Variants in NCOA3 observed in about 807,000 individuals in gnomAD.
The protein encoded by NCOA3 is CBP-interacting protein.
Under a neutral mutation model 158.8 loss-of-function variants are expected in NCOA3, and 51 were observed. The ratio of observed to expected loss-of-function variants is 0.32; its 90% CI spans 0.26 to 0.41. NCOA3 has a LOEUF of 0.41. Among genes scored for constraint, NCOA3 ranks in the 10% least tolerant of loss-of-function variants. The pLI is 1.00. For synonymous variants in NCOA3, 537 were observed against 592.4 expected (o/e 0.91, Z 1.36); for missense variants, 1,510 against 1,746.6 (o/e 0.86, Z 2.41).
In NCOA3 at chr20:47,627,779, A is replaced by C. The variant is rs760972401; in HGVS notation, c.721+30A>C. The C allele has an allele frequency of 2.5e-6, 4 of 1,601,712 alleles. No individual in the cohort carries two copies. The South Asian group carries it at 3.3e-5, about 13-fold the overall frequency. On this transcript the variant is annotated intron_variant, in intron 7 of 22. Coordinates refer to ENST00000371998, the MANE Select transcript of NCOA3 (RefSeq NM_181659.3). Reference sequence around the variant, plus strand: ...GAGCTATTATATGTTTGTGATGTTCATGAAACAAATAGTGGCCATACTTGG... The same window carrying C: ...GAGCTATTATATGTTTGTGATGTTCCTGAAACAAATAGTGGCCATACTTGG...
intron 20 of NCOA3, 37 bp downstream of exon 20, chr20:47,651,313 AACATTACTAAGG>A (rs753365297): frequency 1.8e-5 from 28 of 1,573,764 alleles, no homozygotes; most frequent in Non-Finnish European, 2.3e-5. Context: ...TCCCCAAGTT[AACATTACTAAGG>A]ACATAAGCTT....
intron 1 of NCOA3, among the ~76,000 whole-genome samples, chr20:47,533,120 A>G (rs1040893458): frequency 1.3e-5 from 2 of 148,530 alleles, no homozygotes; most frequent in Non-Finnish European, 3.0e-5. Flanking sequence ...AAAAAAAAAA[A>G]AAAAAAAAAA....
intron 1 of NCOA3, among the ~76,000 whole-genome samples, chr20:47,544,533 C>T (rs1351684102): frequency 6.6e-6 from 1 of 151,788 alleles, no homozygotes; most frequent in Non-Finnish European, 1.5e-5. Flanking sequence ...TAGATGTTGC[C>T]TTTATATTAA....
At position 47,583,180 on chromosome 20, in the gene NCOA3, C is replaced by T. The variant is rs2085481421; in HGVS notation, c.-98-3C>T. 2.5e-6 allele frequency: 1 copy of T among 398,462 alleles called. No individual in the cohort carries two copies. Among genetic ancestry groups the T allele is most frequent in the African/African-American group, 2.1e-5 (1 of 48,624 alleles). The allele number at this position is 398,462 out of a possible 1,614,324, so 24.7% of individuals were successfully genotyped here. A position where few individuals can be genotyped will look rare whatever the true frequency, so the allele number is the denominator to read the frequency against. ...CAATCCCTCCTCTTCTTTTTGTCCT[C>T]AGGATCAAAATACTTGCTGGATGGT... On this transcript the variant is annotated splice_region_variant and splice_polypyrimidine_tract_variant and intron_variant, in intron 1 of 22. Coordinates refer to ENST00000371998, the MANE Select transcript of NCOA3 (RefSeq NM_181659.3).
In NCOA3 at chr20:47,535,033, C is replaced by A. The variant is rs1013456334; in HGVS notation, c.-99+33014C>A. ...TGCCCAGGCTTGTTTTTTTTTTTTT[C>A]TTTTTAAATAATTAGCGTTATTATT... is the stretch of plus-strand genomic sequence containing the variant. On this transcript the variant is annotated intron_variant, in intron 1 of 22. Coordinates refer to ENST00000371998, the MANE Select transcript of NCOA3 (RefSeq NM_181659.3). Among the ~76,000 whole-genome samples the A allele has an allele frequency of 6.3e-5, 7 of 111,132 alleles. No individual in the cohort carries two copies. The Admixed American group carries it at 6.4e-4, about 10-fold the overall frequency. 72.9% of individuals were successfully genotyped at this position (111,132 alleles called of 152,430 possible).
At chr20:47,552,004 C>T (rs537595071) in intron 1 of NCOA3, among the ~76,000 whole-genome samples, 1 of 152,284 alleles carries the variant, frequency 6.6e-6, no homozygotes, top group South Asian at 2.1e-4. Flanking sequence ...CAGGTTGGCC[C>T]TTTTGCTGAG....
chr20:47,649,514 G>A (rs2086747169), intron 19 of NCOA3, among the ~76,000 whole-genome samples: 1 of 152,136 alleles, frequency 6.6e-6, no homozygotes, highest in African/African-American at 2.4e-5. Flanking sequence ...ACATAATCCT[G>A]TTCTCAGTGA....
rs767449280 is a variant in NCOA3, at chr20:47,652,460, C to T, written c.4001C>T (p.Ala1334Val). ...AFGRVSSPPNAMMSSRMGPSQ... is the reference protein window; with the variant it reads ...AFGRVSSPPNVMMSSRMGPSQ... ...GGTCGAGTGTCTAGTCCTCCCAATG[C>T]AATGATGTCGTCAAGAATGGGTCCC... The change falls in exon 21 of 23, where the codon GCA (alanine) becomes GTA (valine). Residue 1334 changes from alanine (A) to valine (V), a missense_variant. Transcript: ENST00000371998. 1.2e-6 allele frequency: 2 copies of T among 1,614,012 alleles called. No homozygotes were observed. Among genetic ancestry groups the T allele is most frequent in the South Asian group, 2.2e-5 (2 of 91,070 alleles).
chr20:47,569,360 G>A (rs1008454300), intron 1 of NCOA3, among the ~76,000 whole-genome samples: 5 of 150,454 alleles, frequency 3.3e-5, no homozygotes, highest in Middle Eastern at 3.6e-3. Flanking sequence ...ACCCCATACC[G>A]TCCCCCAATA....
At chr20:47,510,718 C>T (rs1569310409) in intron 1 of NCOA3, among the ~76,000 whole-genome samples, 1 of 151,920 alleles carries the variant, frequency 6.6e-6, no homozygotes, top group Non-Finnish European at 1.5e-5. Flanking sequence ...CGCAGCCTCC[C>T]AGTAGCTGTG....
intron 1 of NCOA3, among the ~76,000 whole-genome samples, chr20:47,558,377 G>T (rs922229496): frequency 6.6e-6 from 1 of 150,826 alleles, no homozygotes; most frequent in Non-Finnish European, 1.5e-5. Context: ...CCACCGCGCC[G>T]GCCTAAATTT....
rs2084036862 is a variant in NCOA3, at chr20:47,506,743, A to G, written c.-99+4724A>G. Among the ~76,000 whole-genome samples, 2 of 149,098 alleles carry G rather than the reference A, an allele frequency of 1.3e-5. 1 individual carries two copies. The highest frequency in any genetic ancestry group is 4.0e-4 in the East Asian group (2 of 5,054). On this transcript the variant is annotated intron_variant, in intron 1 of 22. Coordinates refer to ENST00000371998, the MANE Select transcript of NCOA3 (RefSeq NM_181659.3). ...GTGTCTATTTTGTTTGGCTTTTAAA[A>G]TATTTTTGTTAGGAACATCTGTGTC... is the stretch of plus-strand genomic sequence containing the variant.
At chr20:47,633,666 T>C (rs749601153) in intron 9 of NCOA3, 30 bp downstream of exon 9, 3 of 1,599,300 alleles carry the variant, frequency 1.9e-6, no homozygotes, top group Admixed American at 1.8e-5. Flanking sequence ...ATTGTTCTTA[T>C]CATTTTATTC....
intron 1 of NCOA3, among the ~76,000 whole-genome samples, chr20:47,554,243 GTTGT>G (rs1328769174): frequency 5.3e-5 from 8 of 152,044 alleles, no homozygotes; most frequent in African/African-American, 1.2e-4. Flanking sequence ...TTTTGATGGG[GTTGT>G]TTGTTTTTTT....
chr20:47,570,620 C>A (rs868851311), intron 1 of NCOA3, among the ~76,000 whole-genome samples: 1 of 152,232 alleles, frequency 6.6e-6, no homozygotes, highest in Non-Finnish European at 1.5e-5. Flanking sequence ...GAATCAACGT[C>A]TTTCAGACTC....
intron 1 of NCOA3, among the ~76,000 whole-genome samples, chr20:47,577,033 A>C (rs2085383070): frequency 6.6e-6 from 1 of 152,186 alleles, no homozygotes; most frequent in Admixed American, 6.5e-5. Flanking sequence ...CTTTTATACT[A>C]ATCTGCCAAC....
chr20:47,634,045 C>T lies in NCOA3; in HGVS notation c.965-3C>T, dbSNP rs2086466092. 2 of 1,613,990 alleles carry T rather than the reference C, an allele frequency of 1.2e-6. No homozygotes were observed. Among genetic ancestry groups the T allele is most frequent in the Non-Finnish European group, 1.7e-6 (2 of 1,179,964 alleles). ...ACCAGTGATGGGATATTTTCCCCAA[C>T]AGCTTATCTTAATGGCCATGCAGAA... On this transcript the variant is annotated splice_region_variant and splice_polypyrimidine_tract_variant and intron_variant, in intron 9 of 22. Coordinates refer to ENST00000371998, the MANE Select transcript of NCOA3 (RefSeq NM_181659.3).
intron 19 of NCOA3, among the ~76,000 whole-genome samples, 164 bp from the exon 20 acceptor site, chr20:47,650,818 G>A (rs151227686): frequency 4.4e-4 from 67 of 152,052 alleles, no homozygotes; most frequent in African/African-American, 1.5e-3. Context: ...AGGCGAGATT[G>A]TGCCACTGCG....
chr20:47,511,524 G>GAGATATAT (rs74178739), intron 1 of NCOA3, among the ~76,000 whole-genome samples: 1 of 22,018 alleles, frequency 4.5e-5, no homozygotes, highest in African/African-American at 9.1e-5. Flanking sequence ...TCTCTCTCGA[G>GAGATATAT]ATATATATAT....
Sources: gnomAD v4.1 joint callset for allele counts (sites outside exome capture counted in the v4.1 genomes callset) on GRCh38, gnomAD v4.1.1 for gene constraint, MANE v1.5 for transcripts, NCBI Gene and HGNC (gene_info 2026-07-23, HGNC 2026-07-21) for gene names.